CCDC141: variants seen among roughly 807,000 people sequenced by gnomAD.
CCDC141 encodes coiled-coil domain containing 141.
CCDC141 carries 168 observed loss-of-function variants against 181.0 expected under a neutral mutation model. That is an observed-to-expected ratio of 0.93 (90% CI 0.82 to 1.05). The LOEUF is 1.05. Ranked by LOEUF, CCDC141 falls within the 50% of genes least tolerant of loss-of-function variation. The pLI is 0.00. For synonymous variants in CCDC141, 666 were observed against 642.3 expected (o/e 1.04, Z -0.56); for missense variants, 1,902 against 1,788.5 (o/e 1.06, Z -1.14).
chr2:178,877,651 A>G (rs998103499), intron 12 of CCDC141: 1 of 381,402 alleles, frequency 2.6e-6, no homozygotes, highest in South Asian at 4.9e-5. Context: ...ACCTTGTTGC[A>G]TGCTTTCAAA....
chr2:178,855,881 A>T (rs1561639606), intron 18 of CCDC141, among the ~76,000 whole-genome samples: 1 of 152,220 alleles, frequency 6.6e-6, no homozygotes, highest in Non-Finnish European at 1.5e-5. Context: ...CAGTACATGT[A>T]ATAATCAAGG....
At chr2:178,820,054 T>A in the CCDC141 span, among the ~76,000 whole-genome samples, 107 of 152,320 alleles carry the variant, frequency 7.0e-4, 2 homozygotes, top group Admixed American at 4.6e-4. Flanking sequence ...TCCTCCTGCT[T>A]ATCTGATACA....
At chr2:178,893,220 G>C (rs1171355661) in intron 8 of CCDC141, among the ~76,000 whole-genome samples, 1 of 106,308 alleles carries the variant, frequency 9.4e-6, no homozygotes, top group East Asian at 3.7e-4. Context: ...AAAAATAATT[G>C]CTTTTTTTTT....
chr2:179,041,059 TTTTGTTTG>T (rs140907026), intron 2 of CCDC141, among the ~76,000 whole-genome samples: 110 of 151,616 alleles, frequency 7.3e-4, no homozygotes, highest in South Asian at 5.0e-3. Context: ...TCTGCTGTTG[TTTTGTTTG>T]TTTGTTTGTT....
intron 2 of CCDC141, among the ~76,000 whole-genome samples, chr2:179,042,082 C>T (rs2043324820): frequency 6.6e-6 from 1 of 152,160 alleles, no homozygotes; most frequent in South Asian, 2.1e-4. Context: ...TAGTCATATA[C>T]AGAACTGTCC....
chr2:179,039,388 T>C (rs1037787189), intron 2 of CCDC141, among the ~76,000 whole-genome samples: 1 of 152,204 alleles, frequency 6.6e-6, no homozygotes, highest in Non-Finnish European at 1.5e-5. Context: ...ACATTTAATA[T>C]ACCAAATTAC....
At chr2:178,905,526 TTTC>T (rs1687924223) in intron 7 of CCDC141, 25 bp from the exon 8 acceptor site, 1 of 1,531,592 alleles carries the variant, frequency 6.5e-7, no homozygotes, top group Admixed American at 2.1e-5. Context: ...ATACTTTTAT[TTTC>T]TGCTTCTCTA....
At chr2:179,047,565 C>T (rs2043540629) in intron 1 of CCDC141, among the ~76,000 whole-genome samples, 159 bp from the exon 2 acceptor site, 1 of 152,024 alleles carries the variant, frequency 6.6e-6, no homozygotes, top group Non-Finnish European at 1.5e-5. Flanking sequence ...ATGGGGTTTA[C>T]TTAAATTGAA....
Position 178,837,245 on chromosome 2 carries a change from C to T in CCDC141, c.3974G>A (p.Ser1325Asn). 6.2e-7 allele frequency: 1 copy of T among 1,614,114 alleles called. No homozygotes were observed. The highest frequency in any genetic ancestry group is 8.5e-7 in the Non-Finnish European group (1 of 1,179,994). ...CTGTAAAGCTCTCTCATGCACTTCA[C>T]TCATCATGCTCTCTGGATGTTCAGC... Reference protein sequence around the residue: ...ISAEHPESMMSEVHERALQQH... With the variant: ...ISAEHPESMMNEVHERALQQH... The change falls in exon 23 of 24, where the codon AGT becomes AAT. Residue 1325 changes from serine (S) to asparagine (N), a missense_variant. Physicochemically the swap from Ser to Asn is conservative, Grantham distance 46. Transcript: ENST00000443758.
rs1271371537 is a variant in CCDC141 at position 178,982,379 on chromosome 2, G to A, written c.226-3704C>T. On this transcript the variant is annotated intron_variant, in intron 2 of 23. Coordinates refer to ENST00000443758, the MANE Select transcript of CCDC141 (RefSeq NM_173648.4). ...AGCATCAGAAAGAATAAAATACCTA[G>A]GAATACATTTAACCAAGGAGGTGAA... Among the ~76,000 whole-genome samples the A allele has an allele frequency of 4.6e-5, 7 of 152,198 alleles. No individual in the cohort carries two copies. In the East Asian group the frequency reaches 9.6e-4, roughly 21 times the overall value.
At chr2:178,904,674 C>T (rs1037156875) in intron 8 of CCDC141, among the ~76,000 whole-genome samples, 1 of 152,056 alleles carries the variant, frequency 6.6e-6, no homozygotes, top group Non-Finnish European at 1.5e-5. Flanking sequence ...GTCATTTCCC[C>T]TTTGTCTTTC....
intron 2 of CCDC141, among the ~76,000 whole-genome samples, chr2:178,985,117 T>C (rs1691660378): frequency 1.3e-5 from 2 of 151,012 alleles, no homozygotes; most frequent in Non-Finnish European, 1.5e-5. Context: ...ACAAACTATC[T>C]CTCAGACCAC....
chr2:178,890,710 C>T (rs1479450099), intron 8 of CCDC141, among the ~76,000 whole-genome samples: 2 of 152,172 alleles, frequency 1.3e-5, no homozygotes, highest in Non-Finnish European at 2.9e-5. Context: ...TAATTCAACA[C>T]TGACACTGAG....
chr2:178,863,115 C>T (rs1322631141), intron 17 of CCDC141, among the ~76,000 whole-genome samples: 1 of 152,184 alleles, frequency 6.6e-6, no homozygotes, highest in Non-Finnish European at 1.5e-5. Flanking sequence ...AAATCATAAG[C>T]ATGTTGGTGC....
chr2:178,952,957 A>G (rs1475762135), intron 5 of CCDC141, among the ~76,000 whole-genome samples: 1 of 152,232 alleles, frequency 6.6e-6, no homozygotes, highest in Non-Finnish European at 1.5e-5. Context: ...TAATGCAATC[A>G]CTACAGATTT....
At chr2:179,026,063 T>G (rs2154386284) in intron 2 of CCDC141, among the ~76,000 whole-genome samples, 1 of 152,136 alleles carries the variant, frequency 6.6e-6, no homozygotes. Flanking sequence ...GTTTGGAAAA[T>G]TTGCAGCCAG....
intron 17 of CCDC141, among the ~76,000 whole-genome samples, chr2:178,858,314 C>T (rs567330794): frequency 6.6e-6 from 1 of 152,062 alleles, no homozygotes; most frequent in Admixed American, 6.6e-5. Context: ...TTTTAATGTG[C>T]GTATGTTTGG....
chr2:178,862,451 G>C (rs1473075691), intron 17 of CCDC141, among the ~76,000 whole-genome samples: 2 of 152,170 alleles, frequency 1.3e-5, no homozygotes, highest in African/African-American at 4.8e-5. Context: ...AAGCATGCTT[G>C]ATATTTACTT....
chr2:178,928,057 C>T (rs569212210), intron 6 of CCDC141, among the ~76,000 whole-genome samples: 1 of 152,262 alleles, frequency 6.6e-6, no homozygotes, highest in African/African-American at 2.4e-5. Context: ...AGATAAATTA[C>T]ATTTTAAATA....
Sources: gnomAD v4.1 joint callset for allele counts (sites outside exome capture counted in the v4.1 genomes callset) on GRCh38, gnomAD v4.1.1 for gene constraint, MANE v1.5 for transcripts, NCBI Gene and HGNC (gene_info 2026-07-23, HGNC 2026-07-21) for gene names.